ARHGAP6: variants seen among roughly 807,000 people sequenced by gnomAD.
ARHGAP6 encodes Rho GTPase activating protein 6.
Under a neutral mutation model 55.7 loss-of-function variants are expected in ARHGAP6, and 16 were observed. The observed-to-expected ratio is 0.29, with a 90% CI of 0.19 to 0.44. The LOEUF is 0.44. Among genes scored for constraint, ARHGAP6 ranks in the 20% least tolerant of loss-of-function variants. The probability of loss-of-function intolerance (pLI) is 1.00; values close to 1 mark genes in which losing one functional copy is unlikely to be tolerated. For synonymous variants in ARHGAP6, 382 were observed against 360.9 expected (o/e 1.06, Z -0.66); for missense variants, 698 against 808.9 (o/e 0.86, Z 1.66).
At chrX:11,186,502 C>T (rs1191485090) in intron 4 of ARHGAP6, 71 bp from the exon 5 acceptor site, 1 of 785,889 alleles carries the variant, frequency 1.3e-6, no homozygotes, top group Non-Finnish European at 1.9e-6. Context: ...CAGATGCTAA[C>T]CAATACATAC....
chrX:11,500,385 G>C (rs938501049), intron 1 of ARHGAP6, among the ~76,000 whole-genome samples: 3 of 106,897 alleles, frequency 2.8e-5, no homozygotes, highest in African/African-American at 1.1e-4. Context: ...GAGAAGGCCA[G>C]GTGCGGTGAC....
chrX:11,510,133 C>A (rs920651262), intron 1 of ARHGAP6, among the ~76,000 whole-genome samples: 1 of 111,516 alleles, frequency 9.0e-6, no homozygotes, highest in African/African-American at 3.3e-5. Context: ...CGGATCAGGG[C>A]AAAATTATAA....
intron 1 of ARHGAP6, among the ~76,000 whole-genome samples, chrX:11,596,994 CT>C (rs1325667513): frequency 1.2e-4 from 13 of 111,817 alleles, no homozygotes; most frequent in Admixed American, 1.1e-3. Flanking sequence ...TTTTTTCTCA[CT>C]GAAAATTCAA....
At position 11,138,969 on chromosome X, in the gene ARHGAP6, G is replaced by T. The variant is rs775204520; in HGVS notation, c.2819C>A (p.Pro940Gln). ...GAGCCAGCCAGCGTCCCCCAGGCGC[G>T]GACTGTCCTGCTCGCCCGCTGGCAG... The part of the protein sequence containing the change: ...NSLPAGEQDS[P>Q]RLGDAGWLDW... Residue 940 changes from proline to glutamine, a missense_variant, in exon 13 of 13, where the codon CCG becomes CAG. Around this residue, in one of 3 missense-constraint regions of ARHGAP6, gnomAD observed 212 missense variants for 208.7 expected, o/e 1.02. Coordinates refer to ENST00000337414, the MANE Select transcript of ARHGAP6 (RefSeq NM_013427.3). 2.5e-6 allele frequency: 3 copies of T among 1,204,020 alleles called. No homozygotes were observed. In the South Asian group the frequency reaches 5.4e-5, roughly 22 times the overall value.
chrX:11,595,405 C>T (rs1292485209), intron 1 of ARHGAP6, among the ~76,000 whole-genome samples: 3 of 111,047 alleles, frequency 2.7e-5, no homozygotes, highest in African/African-American at 9.8e-5. Context: ...CCCTTCCTTA[C>T]ACCTTATACA....
chrX:11,157,041 T>C (rs771943731), intron 9 of ARHGAP6, among the ~76,000 whole-genome samples: 5 of 112,537 alleles, frequency 4.4e-5, no homozygotes, highest in African/African-American at 1.6e-4. Context: ...ATGACTGTAT[T>C]GGGCAGTTCT....
intron 1 of ARHGAP6, among the ~76,000 whole-genome samples, chrX:11,442,278 A>G (rs183858446): frequency 9.0e-6 from 1 of 110,900 alleles, no homozygotes; most frequent in African/African-American, 3.3e-5. Flanking sequence ...GGTGATTTTT[A>G]AAAAAGACCT....
At chrX:11,216,833 A>G (rs1356184262) in intron 2 of ARHGAP6, among the ~76,000 whole-genome samples, 2 of 111,130 alleles carry the variant, frequency 1.8e-5, no homozygotes, top group Middle Eastern at 4.6e-3. Flanking sequence ...CATCATCTAC[A>G]TTAGGTATTT....
At chrX:11,370,716 G>C (rs2049134299) in intron 1 of ARHGAP6, among the ~76,000 whole-genome samples, 1 of 111,462 alleles carries the variant, frequency 9.0e-6, no homozygotes, top group South Asian at 3.8e-4. Flanking sequence ...CACTTGCTTA[G>C]ACCATAGTAC....
intron 1 of ARHGAP6, among the ~76,000 whole-genome samples, chrX:11,582,372 A>G (rs1451863986): frequency 3.6e-5 from 4 of 111,998 alleles, no homozygotes; most frequent in East Asian, 5.6e-4. Context: ...TTCCATTGCT[A>G]TTTACTAGGG....
chrX:11,450,501 A>G (rs2050134799), intron 1 of ARHGAP6, among the ~76,000 whole-genome samples: 1 of 111,892 alleles, frequency 8.9e-6, no homozygotes, highest in Non-Finnish European at 1.9e-5. Flanking sequence ...CTAGTGTGAG[A>G]TGAGCCCTTC....
intron 8 of ARHGAP6, among the ~76,000 whole-genome samples, chrX:11,174,518 T>TTTCCTTCCTTCCTTCC (rs1183794863): frequency 3.6e-4 from 25 of 69,542 alleles, no homozygotes; most frequent in East Asian, 1.1e-3. Flanking sequence ...TCTTTCTTTC[T>TTTCCTTCCTTCCTTCC]TTCCTTCCTT....
rs1389559540 is a variant in ARHGAP6 at position 11,138,567 on chromosome X, T to C, written c.*296A>G. On this transcript the variant is annotated 3_prime_UTR_variant, in exon 13 of 13. Coordinates refer to ENST00000337414, the MANE Select transcript of ARHGAP6 (RefSeq NM_013427.3). ...AAGACACATAAATACGGTTAGGCTATACCAAGCAAGAGTTGTATCTTATAT... is the reference window on the plus strand; with the variant it reads ...AAGACACATAAATACGGTTAGGCTACACCAAGCAAGAGTTGTATCTTATAT... The C allele has an allele frequency of 2.7e-6, 1 of 367,331 alleles. No individual in the cohort carries two copies. The highest frequency in any genetic ancestry group is 4.7e-6 in the Non-Finnish European group (1 of 213,949). The allele number at this position is 367,331 out of a possible 1,213,427, so 30.3% of individuals were successfully genotyped here. A position where few individuals can be genotyped will look rare whatever the true frequency, so the allele number is the denominator to read the frequency against.
intron 1 of ARHGAP6, among the ~76,000 whole-genome samples, chrX:11,504,738 G>A (rs1449477440): frequency 8.9e-6 from 1 of 112,104 alleles, no homozygotes; most frequent in Non-Finnish European, 1.9e-5. Flanking sequence ...CACAGTTAAA[G>A]TCAGGGAATG....
chrX:11,254,233 C>T (rs1338576757), intron 2 of ARHGAP6, among the ~76,000 whole-genome samples: 1 of 111,994 alleles, frequency 8.9e-6, no homozygotes, highest in Non-Finnish European at 1.9e-5. Context: ...TTTCTTCTGA[C>T]CCTTTAAGAT....
At chrX:11,566,204 A>C (rs1253829273) in intron 1 of ARHGAP6, among the ~76,000 whole-genome samples, 2 of 112,265 alleles carry the variant, frequency 1.8e-5, no homozygotes, top group Non-Finnish European at 3.8e-5. Context: ...GCAACAGTGA[A>C]GGAGGTTTCC....
intron 1 of ARHGAP6, among the ~76,000 whole-genome samples, chrX:11,394,639 A>T (rs1212079860): frequency 8.9e-6 from 1 of 112,054 alleles, no homozygotes; most frequent in African/African-American, 3.2e-5. Flanking sequence ...TAAGTGAGTA[A>T]CATTATAATG....
intron 1 of ARHGAP6, among the ~76,000 whole-genome samples, chrX:11,284,862 A>T (rs1001200048): frequency 2.7e-5 from 3 of 111,681 alleles, no homozygotes; most frequent in Non-Finnish European, 3.8e-5. Flanking sequence ...TGCCAGGAAC[A>T]TCCGTATCCT....
In ARHGAP6 at chrX:11,188,783, G is replaced by A. The variant is rs184489161; in HGVS notation, c.1022C>T (p.Pro341Leu). The A allele has an allele frequency of 2.5e-5, 30 of 1,210,449 alleles. No individual in the cohort carries two copies. The Admixed American group carries it at 3.1e-4, about 12-fold the overall frequency. ...NSSLSSTSET[P>L]NESTSPNTPE... ...GGTGTTTGGGGACGTTGACTCATTC[G>A]GTGTTTCTGAGGTTGAGCTGAGAGA... Residue 341 changes from proline (P) to leucine (L), a missense_variant, in exon 4 of 13, where the codon CCG becomes CTG. This residue lies in a region of ARHGAP6 where 322 missense variants were observed against 451.1 expected (regional missense o/e 0.71). Transcript: ENST00000337414.
Sources: gnomAD v4.1 joint callset for allele counts (sites outside exome capture counted in the v4.1 genomes callset) on GRCh38, gnomAD v4.1.1 for gene constraint, gnomAD v4.1.1 regional missense constraint, MANE v1.5 for transcripts, NCBI Gene and HGNC (gene_info 2026-07-23, HGNC 2026-07-21) for gene names.